Variants in STAU2 observed in about 807,000 individuals in gnomAD.
The protein encoded by STAU2 is staufen double-stranded RNA binding protein 2, also known as double-stranded RNA-binding protein Staufen homolog 2.
A neutral mutation model predicts 65.9 loss-of-function variants in STAU2; 20 were observed. The ratio of observed to expected loss-of-function variants is 0.30; its 90% CI spans 0.21 to 0.44. The LOEUF (loss-of-function observed/expected upper bound fraction) is 0.44, where lower values mean the gene tolerates loss of function less well. Ranked by LOEUF, STAU2 falls within the 20% of genes least tolerant of loss-of-function variation. The pLI is 1.00. For synonymous variants in STAU2, 232 were observed against 233.9 expected (o/e 0.99, Z 0.07); for missense variants, 558 against 683.9 (o/e 0.82, Z 2.05).
intron 13 of STAU2, among the ~76,000 whole-genome samples, chr8:73,447,174 G>A (rs1484330050): frequency 6.6e-6 from 1 of 151,982 alleles, no homozygotes; most frequent in African/African-American, 2.4e-5. Flanking sequence ...TCGAACTCCT[G>A]ACCTCGTGAT....
intron 13 of STAU2, among the ~76,000 whole-genome samples, chr8:73,460,510 AC>A (rs1440121530): frequency 6.6e-6 from 1 of 152,210 alleles, no homozygotes; most frequent in Non-Finnish European, 1.5e-5. Flanking sequence ...TGATGTGAGT[AC>A]CCAACAGAGG....
chr8:73,569,562 A>T (rs994024624), intron 12 of STAU2, among the ~76,000 whole-genome samples: 3 of 151,464 alleles, frequency 2.0e-5, no homozygotes, highest in Non-Finnish European at 4.4e-5. Flanking sequence ...ACCTTCCAGT[A>T]GGGGCTGACT....
At chr8:73,686,425 C>G (rs1373968015) in intron 5 of STAU2, among the ~76,000 whole-genome samples, 1 of 152,026 alleles carries the variant, frequency 6.6e-6, no homozygotes, top group Non-Finnish European at 1.5e-5. Context: ...TGGCACATGC[C>G]TGTAGTCCCA....
intron 13 of STAU2, among the ~76,000 whole-genome samples, chr8:73,535,207 T>C (rs1350376688): frequency 6.6e-6 from 1 of 152,128 alleles, no homozygotes; most frequent in Non-Finnish European, 1.5e-5. Flanking sequence ...TCTCACTCTG[T>C]CGCCCAGGCT....
intron 13 of STAU2, among the ~76,000 whole-genome samples, chr8:73,462,903 T>C (rs976493931): frequency 6.6e-6 from 1 of 152,054 alleles, no homozygotes; most frequent in Non-Finnish European, 1.5e-5. Flanking sequence ...TTCCAGAGGG[T>C]GTAGCCAATG....
intron 13 of STAU2, among the ~76,000 whole-genome samples, chr8:73,514,689 T>C (rs964208319): frequency 3.3e-5 from 5 of 152,246 alleles, no homozygotes; most frequent in African/African-American, 1.2e-4. Flanking sequence ...TCAGTATTCA[T>C]ATGTAGATTT....
intron 4 of STAU2, among the ~76,000 whole-genome samples, chr8:73,689,057 A>C (rs1444695454): frequency 6.6e-6 from 1 of 152,208 alleles, no homozygotes; most frequent in Non-Finnish European, 1.5e-5. Context: ...GGGTAGAATA[A>C]ATCAAGAAGC....
At chr8:73,506,493 T>C (rs1822072666) in intron 13 of STAU2, among the ~76,000 whole-genome samples, 1 of 152,212 alleles carries the variant, frequency 6.6e-6, no homozygotes, top group Non-Finnish European at 1.5e-5. Context: ...AATAGCATTA[T>C]GTCTAAAAAA....
chr8:73,462,523 G>A (rs1042421619), intron 13 of STAU2, among the ~76,000 whole-genome samples: 3 of 151,994 alleles, frequency 2.0e-5, no homozygotes, highest in East Asian at 3.9e-4. Flanking sequence ...AGCCCTCCAA[G>A]TAGCTGGGAC....
chr8:73,524,790 C>A (rs74538744), intron 13 of STAU2, among the ~76,000 whole-genome samples: 12 of 152,258 alleles, frequency 7.9e-5, no homozygotes, highest in Admixed American at 2.6e-4. Context: ...TACAATTTTT[C>A]TTGCTTTAAA....
intron 6 of STAU2, among the ~76,000 whole-genome samples, chr8:73,621,337 G>A (rs1813216963): frequency 6.6e-6 from 1 of 152,086 alleles, no homozygotes; most frequent in Non-Finnish European, 1.5e-5. Context: ...GTGAAGAGGT[G>A]CCTTCTGCCA....
intron 5 of STAU2, among the ~76,000 whole-genome samples, chr8:73,683,599 G>C (rs947882272): frequency 6.6e-6 from 1 of 152,140 alleles, no homozygotes; most frequent in Non-Finnish European, 1.5e-5. Flanking sequence ...AGTACTGGAA[G>C]TCCTAGCCGG....
chr8:73,530,730 T>C (rs1476335129), intron 13 of STAU2, among the ~76,000 whole-genome samples: 4 of 152,076 alleles, frequency 2.6e-5, no homozygotes, highest in African/African-American at 7.2e-5. Flanking sequence ...AGGTAGGTAG[T>C]GTACCTGAAA....
intron 11 of STAU2, among the ~76,000 whole-genome samples, chr8:73,584,027 A>T (rs6991195): frequency 0.15 from 23,286 of 152,012 alleles, 1,816 homozygotes; most frequent in African/African-American, 0.17. Flanking sequence ...GTTCATTTTT[A>T]AAAAAAAGTT....
chr8:73,562,845 G>C (rs1371874239), intron 12 of STAU2, among the ~76,000 whole-genome samples: 1 of 151,968 alleles, frequency 6.6e-6, no homozygotes, highest in Non-Finnish European at 1.5e-5. Flanking sequence ...GGGTGCAGTG[G>C]CTCACACCTA....
intron 13 of STAU2, among the ~76,000 whole-genome samples, chr8:73,464,788 C>T (rs938405729): frequency 6.6e-6 from 1 of 152,142 alleles, no homozygotes; most frequent in African/African-American, 2.4e-5. Flanking sequence ...ACATGCTTAA[C>T]AGAAAGGAAG....
chr8:73,634,477 G>A (rs2130060756), intron 6 of STAU2, among the ~76,000 whole-genome samples: 1 of 152,184 alleles, frequency 6.6e-6, no homozygotes, highest in Admixed American at 6.5e-5. Flanking sequence ...ATAGTAAGCT[G>A]AGATTGCGCC....
chr8:73,596,294 A>G (rs901915502), intron 10 of STAU2, among the ~76,000 whole-genome samples: 2 of 152,194 alleles, frequency 1.3e-5, no homozygotes, highest in African/African-American at 4.8e-5. Context: ...AAGATAATGT[A>G]TGTAAACCAC....
In STAU2 at chr8:73,560,255, T is replaced by C. The variant is rs565674484; in HGVS notation, c.1223-7936A>G. On this transcript the variant is annotated intron_variant, in intron 12 of 14. Transcript: ENST00000524300. ...ACCACCATGCCTGGCTAATTTTTTA[T>C]ATTTTTAGTAGAGACGGGGTTTCAC... Among the ~76,000 whole-genome samples, 4 of 152,154 alleles carry C rather than the reference T, an allele frequency of 2.6e-5. No homozygotes were observed. In the East Asian group the frequency reaches 7.8e-4, roughly 30 times the overall value.
Sources: gnomAD v4.1 joint callset for allele counts (sites outside exome capture counted in the v4.1 genomes callset) on GRCh38, gnomAD v4.1.1 for gene constraint, MANE v1.5 for transcripts, NCBI Gene and HGNC (gene_info 2026-07-23, HGNC 2026-07-21) for gene names.